Variants in FBXL2 observed in about 807,000 individuals in gnomAD.
FBXL2 encodes the protein F-box/LRR-repeat protein 2.
A neutral mutation model predicts 69.2 loss-of-function variants in FBXL2; 38 were observed. The ratio of observed to expected loss-of-function variants is 0.55; its 90% CI spans 0.42 to 0.72. The LOEUF is 0.72. Among genes scored for constraint, FBXL2 ranks in the 30% least tolerant of loss-of-function variants. The pLI is 0.00. For missense variants in FBXL2, 354 were observed against 520.3 expected, an observed-to-expected ratio of 0.68 and a Z score of 3.11; for synonymous variants, 192 against 201.3, an observed-to-expected ratio of 0.95 and a Z score of 0.39.
At chr3:33,302,008 A>T (rs191064199) in intron 2 of FBXL2, among the ~76,000 whole-genome samples, 1 of 152,252 alleles carries the variant, frequency 6.6e-6, no homozygotes, top group African/African-American at 2.4e-5. Flanking sequence ...TTGTTCTTAG[A>T]GTACCTGGCA....
At chr3:33,363,907 G>T (rs886840155) in intron 4 of FBXL2, among the ~76,000 whole-genome samples, 5 of 152,160 alleles carry the variant, frequency 3.3e-5, no homozygotes, top group Admixed American at 2.0e-4. Context: ...ATTTGAGGCT[G>T]CAGTGAGCTA....
chr3:33,411,797 G>T, the FBXL2 span: 1 of 816,884 alleles, frequency 1.2e-6, no homozygotes, highest in Non-Finnish European at 2.0e-6. Context: ...TTTGAACTCT[G>T]TCTTTCAATG....
intron 12 of FBXL2, chr3:33,400,129 A>G: frequency 8.6e-7 from 1 of 1,164,116 alleles, no homozygotes; most frequent in Non-Finnish European, 1.2e-6. Flanking sequence ...AAAGTTAATA[A>G]AAGCACAGAA....
At chr3:33,392,661 C>A, downstream of FBXL2, 3 of 1,526,854 alleles carry the variant, frequency 2.0e-6, no homozygotes, top group South Asian at 2.4e-5. Context: ...ATCCAACTGT[C>A]GTTTCTTAAA....
intron 12 of FBXL2, chr3:33,396,568 T>C (rs1489344490): frequency 2.4e-6 from 1 of 421,018 alleles, no homozygotes; most frequent in African/African-American, 2.0e-5. Context: ...ATCAGTAAGA[T>C]TCAATTTTAA....
At chr3:33,338,761 T>C (rs769581143) in intron 2 of FBXL2, among the ~76,000 whole-genome samples, 79 of 152,138 alleles carry the variant, frequency 5.2e-4, no homozygotes, top group Admixed American at 8.5e-4. Flanking sequence ...CCTTTTACTA[T>C]ATACAAAAAT....
chr3:33,284,988 C>T (rs1242350168), intron 1 of FBXL2, among the ~76,000 whole-genome samples: 2 of 151,568 alleles, frequency 1.3e-5, no homozygotes, highest in Non-Finnish European at 3.0e-5. Flanking sequence ...TGGGTCTTGA[C>T]TATCCAATTT....
chr3:33,372,767 GCCTCT>G (rs2042375471), intron 5 of FBXL2: 1 of 444,666 alleles, frequency 2.2e-6, no homozygotes, highest in Non-Finnish European at 4.1e-6. Flanking sequence ...AGGGAGCTAG[GCCTCT>G]ATTCTCATGA....
chr3:33,331,790 A>G (rs1013087227), intron 2 of FBXL2, among the ~76,000 whole-genome samples: 1 of 152,180 alleles, frequency 6.6e-6, no homozygotes, highest in African/African-American at 2.4e-5. Context: ...GAGTAAGTGG[A>G]TTAAATAACT....
chr3:33,300,856 C>T (rs1423655957), intron 2 of FBXL2, among the ~76,000 whole-genome samples: 1 of 149,500 alleles, frequency 6.7e-6, no homozygotes, highest in Non-Finnish European at 1.5e-5. Context: ...CTACAGGTGC[C>T]CGCCACAACG....
downstream of FBXL2, among the ~76,000 whole-genome samples, chr3:33,403,974 G>C (rs1047207853): frequency 6.6e-6 from 1 of 152,132 alleles, no homozygotes; most frequent in African/African-American, 2.4e-5. Flanking sequence ...GGCTGGACAC[G>C]GTGACTCATG....
upstream of FBXL2, chr3:33,277,047 C>G (rs1462794474): frequency 1.3e-5 from 2 of 157,374 alleles, no homozygotes; most frequent in Non-Finnish European, 2.8e-5. Context: ...TCATTGGAAG[C>G]TTGAAGCAGA....
downstream of FBXL2, among the ~76,000 whole-genome samples, chr3:33,407,410 C>T (rs1014306288): frequency 1.3e-4 from 20 of 151,982 alleles, no homozygotes; most frequent in African/African-American, 4.8e-4. Flanking sequence ...GCCAGAATCC[C>T]CCCCAAAGAA....
the FBXL2 span, chr3:33,408,776 CA>C: frequency 6.2e-7 from 1 of 1,613,950 alleles, no homozygotes; most frequent in South Asian, 1.1e-5. Context: ...ACTGCATCTT[CA>C]ATTATAGGCT....
chr3:33,279,518 C>T (rs1486957470), intron 1 of FBXL2, among the ~76,000 whole-genome samples: 1 of 152,200 alleles, frequency 6.6e-6, no homozygotes, highest in Non-Finnish European at 1.5e-5. Flanking sequence ...ATCCTCCTGC[C>T]TTGGCCTCCC....
At chr3:33,313,371 A>T (rs1474404256) in intron 2 of FBXL2, among the ~76,000 whole-genome samples, 3 of 152,122 alleles carry the variant, frequency 2.0e-5, no homozygotes, top group Non-Finnish European at 4.4e-5. Flanking sequence ...GCAAAACCAG[A>T]TGGTTTCAAT....
intron 2 of FBXL2, among the ~76,000 whole-genome samples, chr3:33,319,344 TTAAA>T (rs1203092037): frequency 1.3e-5 from 2 of 152,194 alleles, no homozygotes; most frequent in East Asian, 1.9e-4. Context: ...GTATTGCCTA[TTAAA>T]TAAATTAAAA....
At chr3:33,380,671 G>C (rs2042991916) in intron 13 of FBXL2, among the ~76,000 whole-genome samples, 2 of 151,398 alleles carry the variant, frequency 1.3e-5, no homozygotes, top group Non-Finnish European at 2.9e-5. Flanking sequence ...GAAATTCTTT[G>C]TGCAATGAAA....
At chr3:33,347,023 C>A (rs955547823) in intron 2 of FBXL2, among the ~76,000 whole-genome samples, 2 of 152,118 alleles carry the variant, frequency 1.3e-5, no homozygotes, top group Non-Finnish European at 2.9e-5. Flanking sequence ...TGACTATAGT[C>A]ACTCTGTTGT....
Sources: allele counts gnomAD v4.1 joint callset (sites outside exome capture counted in the v4.1 genomes callset), GRCh38; gene constraint gnomAD v4.1.1; transcripts MANE v1.5; gene names NCBI Gene and HGNC (gene_info 2026-07-23, HGNC 2026-07-21).